The following VPS45 variants were observed in gnomAD, a reference collection of about 807,000 sequenced individuals.
VPS45 encodes vacuolar protein sorting 45 homolog.
In VPS45, 35 loss-of-function variants were observed where a neutral mutation model predicts 75.9. The ratio of observed to expected loss-of-function variants is 0.46; its 90% confidence interval spans 0.35 to 0.61. The LOEUF (loss-of-function observed/expected upper bound fraction) is 0.61, where lower values mean the gene tolerates loss of function less well. Among genes scored for constraint, VPS45 ranks in the 20% least tolerant of loss-of-function variants. The pLI, the probability that VPS45 is intolerant of heterozygous loss-of-function variation, is 0.00. For missense variants in VPS45, 559 were observed against 685.9 expected (o/e 0.81, Z 2.07); for synonymous variants, 220 against 238.2 (o/e 0.92, Z 0.70).
chr1:150,102,460 G>A (rs1028279107), intron 13 of VPS45, among the ~76,000 whole-genome samples: 23 of 151,426 alleles, frequency 1.5e-4, no homozygotes, highest in Admixed American at 1.4e-3. Context: ...GAGGCAGGAG[G>A]ACTGCTTGAA....
intron 14 of VPS45, among the ~76,000 whole-genome samples, chr1:150,138,050 A>G (rs1553814339): frequency 6.6e-6 from 1 of 151,964 alleles, no homozygotes; most frequent in Non-Finnish European, 1.5e-5. Context: ...ATTCTCCAAG[A>G]GTTGTTTACA....
chr1:150,126,837 G>A (rs748402622), intron 14 of VPS45, among the ~76,000 whole-genome samples: 46 of 152,196 alleles, frequency 3.0e-4, no homozygotes, highest in Non-Finnish European at 5.7e-4. Context: ...ATCATGGTAC[G>A]CACCTGTAAT....
chr1:150,105,046 A>C (rs1205623959), intron 13 of VPS45, among the ~76,000 whole-genome samples: 1 of 152,188 alleles, frequency 6.6e-6, no homozygotes, highest in East Asian at 1.9e-4. Flanking sequence ...ACTAATTTAC[A>C]TTCCAACCAA....
intron 14 of VPS45, among the ~76,000 whole-genome samples, chr1:150,137,594 C>T (rs1243226633): frequency 6.6e-6 from 1 of 152,106 alleles, no homozygotes; most frequent in African/African-American, 2.4e-5. Context: ...TTTTTCCCAC[C>T]TGTTGTATTA....
intron 14 of VPS45, 121 bp downstream of exon 14, chr1:150,110,748 G>A: frequency 1.0e-6 from 1 of 960,604 alleles, no homozygotes; most frequent in Non-Finnish European, 1.4e-6. Context: ...GAAATTCTCT[G>A]GTGTTTGCAG....
intron 14 of VPS45, among the ~76,000 whole-genome samples, chr1:150,142,111 C>G (rs989713224): frequency 1.3e-5 from 2 of 151,700 alleles, no homozygotes; most frequent in African/African-American, 4.8e-5. Context: ...TCATAGTGGC[C>G]CTAGGAAACA....
intron 13 of VPS45, chr1:150,110,273 C>A: frequency 2.3e-6 from 1 of 427,618 alleles, no homozygotes; most frequent in Non-Finnish European, 4.2e-6. Context: ...AATTATAAGA[C>A]ATCCGCTCAT....
chr1:150,070,173 T>G (rs1264553500), intron 2 of VPS45, among the ~76,000 whole-genome samples: 1 of 152,164 alleles, frequency 6.6e-6, no homozygotes, highest in Non-Finnish European at 1.5e-5. Context: ...ACCATCTTTA[T>G]CTCCCTATTG....
chr1:150,133,371 GA>G (rs2101651419), intron 14 of VPS45, among the ~76,000 whole-genome samples: 1 of 152,004 alleles, frequency 6.6e-6, no homozygotes, highest in East Asian at 1.9e-4. Context: ...CCAACATGGT[GA>G]AACCCCATCT....
intron 14 of VPS45, among the ~76,000 whole-genome samples, chr1:150,133,485 T>C (rs1571913458): frequency 1.3e-5 from 2 of 151,924 alleles, no homozygotes; most frequent in Non-Finnish European, 2.9e-5. Context: ...ACCAGGGAGG[T>C]GGAGGTTGCA....
At chr1:150,091,112 C>T (rs1656301704) in intron 10 of VPS45, among the ~76,000 whole-genome samples, 1 of 152,162 alleles carries the variant, frequency 6.6e-6, no homozygotes, top group African/African-American at 2.4e-5. Flanking sequence ...AACTAAAGTA[C>T]ATTAAAGAAA....
At chr1:150,093,726 A>G in intron 13 of VPS45, 78 bp downstream of exon 13, 1 of 1,523,520 alleles carries the variant, frequency 6.6e-7, no homozygotes, top group Non-Finnish European at 8.8e-7. Context: ...TTAAGGACTA[A>G]AGCTGAGGTT....
intron 13 of VPS45, among the ~76,000 whole-genome samples, chr1:150,104,139 T>G (rs985762683): frequency 2.0e-5 from 3 of 152,226 alleles, no homozygotes; most frequent in Admixed American, 6.5e-5. Context: ...TTACATAGTC[T>G]GTAACTATCT....
chr1:150,097,867 T>G (rs1006578578), intron 13 of VPS45, among the ~76,000 whole-genome samples: 9 of 152,208 alleles, frequency 5.9e-5, no homozygotes, highest in South Asian at 2.1e-4. Flanking sequence ...TTGTTTGTTT[T>G]TTTGAGACAG....
At chr1:150,134,757 T>TG (rs1273184191) in intron 14 of VPS45, among the ~76,000 whole-genome samples, 1 of 152,224 alleles carries the variant, frequency 6.6e-6, no homozygotes, top group Non-Finnish European at 1.5e-5. Flanking sequence ...AACATTCCAT[T>TG]ATGTGAACAT....
intron 14 of VPS45, among the ~76,000 whole-genome samples, chr1:150,131,429 T>G (rs587737592): frequency 2.1e-4 from 32 of 152,206 alleles, no homozygotes; most frequent in Non-Finnish European, 4.1e-4. Context: ...AATCATCGCT[T>G]GAACTTGGGA....
intron 10 of VPS45, among the ~76,000 whole-genome samples, chr1:150,091,392 G>A (rs371341901): frequency 7.2e-5 from 11 of 152,076 alleles, no homozygotes; most frequent in African/African-American, 2.4e-4. Flanking sequence ...CTTTCCTATC[G>A]GTACCTGCCT....
chr1:150,089,037 AG>A (rs1286825522), intron 10 of VPS45, among the ~76,000 whole-genome samples: 1 of 152,188 alleles, frequency 6.6e-6, no homozygotes, highest in Admixed American at 6.5e-5. Flanking sequence ...GTTGTGTGTA[AG>A]GGTTCTTATT....
chr1:150,121,225 A>G lies in VPS45; in HGVS notation c.1625+10598A>G, dbSNP rs587766387. On this transcript the variant is annotated intron_variant, in intron 14 of 14. Coordinates refer to ENST00000644510, the MANE Select transcript of VPS45 (RefSeq NM_007259.5). Reference sequence around the variant, plus strand: ...GGCAGTCAATATTTCTTCTCTTTCCATAGCCATATGAAGTTTAACATGAAT... The same window carrying G: ...GGCAGTCAATATTTCTTCTCTTTCCGTAGCCATATGAAGTTTAACATGAAT... Among the ~76,000 whole-genome samples the G allele has an allele frequency of 6.6e-5, 10 of 152,304 alleles. No individual in the cohort carries two copies. In the South Asian group the frequency reaches 1.7e-3, roughly 25 times the overall value.
Sources: allele counts gnomAD v4.1 joint callset (sites outside exome capture counted in the v4.1 genomes callset), GRCh38; gene constraint gnomAD v4.1.1; transcripts MANE v1.5; gene names NCBI Gene and HGNC (gene_info 2026-07-23, HGNC 2026-07-21).